Variants in STK39 observed in about 807,000 individuals in gnomAD.
STK39 encodes STE20/SPS1-related proline-alanine-rich protein kinase.
Under a neutral mutation model 77.8 loss-of-function variants are expected in STK39, and 20 were observed. The observed-to-expected ratio is 0.26, with a 90% CI of 0.18 to 0.37. The LOEUF is 0.37. STK39 is among the 10% of genes least tolerant of loss of function. The pLI is 1.00. For missense variants in STK39, 479 were observed against 656.5 expected, an observed-to-expected ratio of 0.73 and a Z score of 2.95; for synonymous variants, 246 against 234.1, an observed-to-expected ratio of 1.05 and a Z score of -0.47.
chr2:168,115,881 C>T (rs183870554), intron 10 of STK39, among the ~76,000 whole-genome samples: 222 of 152,160 alleles, frequency 1.5e-3, no homozygotes, highest in Admixed American at 5.8e-3. Context: ...GGCTGAAGAG[C>T]GAAGAAGGGA....
intron 14 of STK39, among the ~76,000 whole-genome samples, chr2:168,027,419 C>T (rs765523043): frequency 6.6e-6 from 1 of 152,162 alleles, no homozygotes; most frequent in East Asian, 1.9e-4. Context: ...GAAATATGCC[C>T]CTGGCCTAGA....
intron 1 of STK39, among the ~76,000 whole-genome samples, chr2:168,208,910 G>C (rs1689811689): frequency 6.6e-6 from 1 of 152,198 alleles, no homozygotes; most frequent in Admixed American, 6.5e-5. Context: ...ACAGTCACAG[G>C]GAAGTGCAAG....
chr2:168,008,914 T>C (rs923900230), intron 16 of STK39, among the ~76,000 whole-genome samples: 3 of 152,178 alleles, frequency 2.0e-5, no homozygotes, highest in Admixed American at 1.3e-4. Context: ...TTTAGGAACA[T>C]GGCAGCCATT....
chr2:168,188,259 G>A (rs1397861013), intron 1 of STK39, among the ~76,000 whole-genome samples: 1 of 152,158 alleles, frequency 6.6e-6, no homozygotes, highest in African/African-American at 2.4e-5. Flanking sequence ...GGCCAGGAGA[G>A]GACTTGGATG....
intron 1 of STK39, among the ~76,000 whole-genome samples, chr2:168,202,316 T>C (rs1330487694): frequency 1.3e-5 from 2 of 152,178 alleles, no homozygotes; most frequent in African/African-American, 4.8e-5. Context: ...TTCTATTTTC[T>C]CCAACAGAAA....
intron 12 of STK39, among the ~76,000 whole-genome samples, chr2:168,074,660 A>G (rs1686028680): frequency 6.6e-6 from 1 of 152,226 alleles, no homozygotes; most frequent in Non-Finnish European, 1.5e-5. Context: ...GTTAAAATTA[A>G]TGGATTACCT....
chr2:168,025,892 G>A (rs1037958318), intron 14 of STK39, among the ~76,000 whole-genome samples: 1 of 152,184 alleles, frequency 6.6e-6, no homozygotes, highest in Non-Finnish European at 1.5e-5. Flanking sequence ...ACTCCTTCGG[G>A]AATTGAAGAC....
chr2:168,020,853 A>G (rs1684552767), intron 14 of STK39, among the ~76,000 whole-genome samples: 1 of 152,116 alleles, frequency 6.6e-6, no homozygotes, highest in South Asian at 2.1e-4. Flanking sequence ...TACAAACAGA[A>G]ATGCTCAATT....
chr2:168,193,810 T>C (rs1016648868), intron 1 of STK39, among the ~76,000 whole-genome samples: 1 of 152,250 alleles, frequency 6.6e-6, no homozygotes, highest in African/African-American at 2.4e-5. Flanking sequence ...TCTACATTTC[T>C]CAAGCTCCCA....
chr2:168,088,947 G>C, intron 10 of STK39, among the ~76,000 whole-genome samples: 1 of 152,168 alleles, frequency 6.6e-6, no homozygotes, highest in Non-Finnish European at 1.5e-5. Flanking sequence ...CTGAGATTGT[G>C]GCTTAAACAC....
chr2:167,968,245 G>A (rs927869639), intron 16 of STK39, among the ~76,000 whole-genome samples: 1 of 152,156 alleles, frequency 6.6e-6, no homozygotes, highest in Non-Finnish European at 1.5e-5. Flanking sequence ...GTGCTGTGAT[G>A]CACATACTAT....
chr2:168,027,028 GT>G (rs753621704), intron 14 of STK39, among the ~76,000 whole-genome samples: 17 of 152,132 alleles, frequency 1.1e-4, no homozygotes, highest in Non-Finnish European at 2.4e-4. Context: ...ATGTTGAAAT[GT>G]TTTTTATAAT....
chr2:168,240,975 T>C (rs1037149634), intron 1 of STK39, among the ~76,000 whole-genome samples: 2 of 152,252 alleles, frequency 1.3e-5, no homozygotes. Flanking sequence ...AGAGTCACAG[T>C]GATTTCAGAG....
At chr2:168,243,013 T>C (rs1025482850) in intron 1 of STK39, among the ~76,000 whole-genome samples, 2 of 150,814 alleles carry the variant, frequency 1.3e-5, no homozygotes, top group African/African-American at 2.4e-5. Context: ...ATTTCAGACA[T>C]CATTTAGTAT....
intron 16 of STK39, among the ~76,000 whole-genome samples, chr2:168,009,894 T>C (rs1477458309): frequency 6.6e-6 from 1 of 152,254 alleles, no homozygotes; most frequent in Non-Finnish European, 1.5e-5. Context: ...CAATAAGTTG[T>C]ACATGAAGTC....
intron 13 of STK39, among the ~76,000 whole-genome samples, chr2:168,064,671 A>G (rs1169283744): frequency 1.3e-5 from 2 of 152,230 alleles, no homozygotes; most frequent in Admixed American, 1.3e-4. Flanking sequence ...GAAAATTATG[A>G]TCCTGACAGT....
intron 16 of STK39, among the ~76,000 whole-genome samples, chr2:167,989,976 T>A (rs1683656665): frequency 6.6e-6 from 1 of 152,144 alleles, no homozygotes; most frequent in Admixed American, 6.6e-5. Context: ...GAGAACTTAA[T>A]GTGAGCTATA....
chr2:168,076,680 T>C (rs543007356), intron 10 of STK39, among the ~76,000 whole-genome samples: 1 of 151,428 alleles, frequency 6.6e-6, no homozygotes, highest in Non-Finnish European at 1.5e-5. Flanking sequence ...GTTATGCTCA[T>C]TTTTTTTTAA....
At chr2:167,987,130 T>A (rs1318136017) in intron 16 of STK39, among the ~76,000 whole-genome samples, 1 of 152,164 alleles carries the variant, frequency 6.6e-6, no homozygotes, top group African/African-American at 2.4e-5. Flanking sequence ...AATGAAAAGC[T>A]GTGATTTCTA....
Sources: gnomAD v4.1 joint callset for allele counts (sites outside exome capture counted in the v4.1 genomes callset) on GRCh38, gnomAD v4.1.1 for gene constraint, MANE v1.5 for transcripts, NCBI Gene and HGNC (gene_info 2026-07-23, HGNC 2026-07-21) for gene names.